HSPA12A: variants seen among roughly 807,000 people sequenced by gnomAD.
HSPA12A encodes heat shock protein family A (Hsp70) member 12A.
Under a neutral mutation model 69.2 loss-of-function variants are expected in HSPA12A, and 28 were observed. The observed-to-expected ratio is 0.40, with a 90% CI of 0.30 to 0.55. The LOEUF (loss-of-function observed/expected upper bound fraction) is 0.55. HSPA12A is among the 20% of genes least tolerant of loss of function. The probability of loss-of-function intolerance (pLI) is 0.38; values close to 1 mark genes in which losing one functional copy is unlikely to be tolerated. For synonymous variants in HSPA12A, 345 were observed against 370.5 expected (o/e 0.93, Z 0.79); for missense variants, 686 against 900.7 (o/e 0.76, Z 3.05).
rs995338033 is a variant in HSPA12A, at chr10:116,790,460, T to C, written c.91+44475A>G. Among the ~76,000 whole-genome samples the C allele has an allele frequency of 2.0e-5, 3 of 152,020 alleles. 1 individual carries two copies. The highest frequency in any genetic ancestry group is 1.3e-4 in the Admixed American group (2 of 15,262). ...CCTCTTCCTGCCCTCAGCCCACTCA[T>C]GCTGCACACTGGCCACCTTGCTGTT... is the stretch of plus-strand genomic sequence containing the variant. On this transcript the variant is annotated intron_variant, in intron 2 of 12. Coordinates refer to the HSPA12A transcript ENST00000635765.
chr10:116,830,165 C>A (rs1564833946), intron 2 of HSPA12A: 1 of 152,196 alleles, frequency 6.6e-6, no homozygotes, highest in Non-Finnish European at 1.5e-5. Context: ...CTCTAATGGG[C>A]TTTCTGACTT....
chr10:116,753,254 G>A (rs1044977890), intron 2 of HSPA12A, among the ~76,000 whole-genome samples: 5 of 152,008 alleles, frequency 3.3e-5, no homozygotes, highest in African/African-American at 1.2e-4. Flanking sequence ...AGGCCTGCGG[G>A]CTCAGACAGG....
chr10:116,811,579 T>TAAAAAAAAAAAAAAAAAAAAAAAAAA (rs60912684), intron 2 of HSPA12A, among the ~76,000 whole-genome samples: 1 of 105,926 alleles, frequency 9.4e-6, no homozygotes, highest in African/African-American at 3.7e-5. Context: ...TTGCTTTTGT[T>TAAAAAAAAAAAAAAAAAAAAAAAAAA]AAAAAAAAAA....
intron 2 of HSPA12A, among the ~76,000 whole-genome samples, chr10:116,757,590 G>T (rs577999658): frequency 1.3e-5 from 2 of 152,332 alleles, no homozygotes; most frequent in East Asian, 3.9e-4. Context: ...TGTCTTTCAG[G>T]CTGAAACCAG....
chr10:116,845,903 G>A (rs1436939586), intron 1 of HSPA12A, among the ~76,000 whole-genome samples: 1 of 152,124 alleles, frequency 6.6e-6, no homozygotes, highest in Non-Finnish European at 1.5e-5. Context: ...ACCTGGATCT[G>A]TCAATACCAA....
intron 1 of HSPA12A, among the ~76,000 whole-genome samples, chr10:116,739,766 A>G (rs1851423261): frequency 6.6e-6 from 1 of 152,178 alleles, no homozygotes; most frequent in Non-Finnish European, 1.5e-5. Context: ...CATCTTATTA[A>G]GAAAATTTGC....
intron 4 of HSPA12A, 148 bp downstream of exon 4, chr10:116,700,795 A>C (rs1850056525): frequency 2.8e-6 from 2 of 714,976 alleles, no homozygotes; most frequent in Non-Finnish European, 4.8e-6. Flanking sequence ...GGTTGTGTCT[A>C]AAATCAAGGT....
At chr10:116,749,845 T>G (rs1399170554) in intron 2 of HSPA12A, 1 of 153,128 alleles carries the variant, frequency 6.5e-6, no homozygotes, top group African/African-American at 2.4e-5. Context: ...ATCTTGTGCT[T>G]TATTTAAAAG....
At chr10:116,772,582 T>C (rs1252481634) in intron 2 of HSPA12A, among the ~76,000 whole-genome samples, 2 of 152,222 alleles carry the variant, frequency 1.3e-5, no homozygotes, top group Non-Finnish European at 2.9e-5. Flanking sequence ...CCCGAAGCTG[T>C]CTGGCTCCAA....
intron 2 of HSPA12A, among the ~76,000 whole-genome samples, chr10:116,776,028 TC>T (rs1844328854): frequency 6.6e-6 from 1 of 152,194 alleles, no homozygotes; most frequent in African/African-American, 2.4e-5. Context: ...CTGCGTCCCC[TC>T]TGGCCTCCAG....
chr10:116,833,591 C>T (rs1303961835), intron 2 of HSPA12A, among the ~76,000 whole-genome samples: 4 of 152,070 alleles, frequency 2.6e-5, no homozygotes, highest in Admixed American at 2.0e-4. Flanking sequence ...ATTTTTCTCC[C>T]GAAAAACCAA....
intron 1 of HSPA12A, among the ~76,000 whole-genome samples, chr10:116,836,973 C>T (rs1313637604): frequency 1.3e-5 from 2 of 152,106 alleles, no homozygotes; most frequent in Non-Finnish European, 2.9e-5. Flanking sequence ...TATACACTAT[C>T]TTTATCTAGG....
At chr10:116,778,946 C>T (rs1844402351) in intron 2 of HSPA12A, among the ~76,000 whole-genome samples, 1 of 152,108 alleles carries the variant, frequency 6.6e-6, no homozygotes, top group Non-Finnish European at 1.5e-5. Context: ...ACAACAACAA[C>T]AACAAACCCA....
chr10:116,828,919 C>T (rs1225193798), intron 2 of HSPA12A: 1 of 152,244 alleles, frequency 6.6e-6, no homozygotes, highest in African/African-American at 2.4e-5. Flanking sequence ...CGATTTGTAT[C>T]ACTTTGGTGC....
chr10:116,715,498 C>T lies in HSPA12A; in HGVS notation c.41-8213G>A, dbSNP rs191040998. On this transcript the variant is annotated intron_variant, in intron 1 of 11. Transcript: ENST00000369209. Reference sequence around the variant, plus strand: ...CTCTAGGGATACATTCTCAAATGTACAGACAAAACAATAGCATTTCTGGGA... The same window carrying T: ...CTCTAGGGATACATTCTCAAATGTATAGACAAAACAATAGCATTTCTGGGA... Among the ~76,000 whole-genome samples the T allele has an allele frequency of 1.8e-3, 272 of 152,234 alleles. 1 individual carries two copies. Among genetic ancestry groups the T allele is most frequent in the Non-Finnish European group, 4.7e-4 (32 of 68,000 alleles).
intron 1 of HSPA12A, among the ~76,000 whole-genome samples, chr10:116,719,723 A>G (rs1850716535): frequency 6.6e-6 from 1 of 152,266 alleles, no homozygotes; most frequent in African/African-American, 2.4e-5. Context: ...ATTATTACTT[A>G]GATGGCATCT....
intron 2 of HSPA12A, among the ~76,000 whole-genome samples, chr10:116,804,085 G>C (rs1401806477): frequency 6.6e-6 from 1 of 152,066 alleles, no homozygotes; most frequent in African/African-American, 2.4e-5. Context: ...CCCTACGGTC[G>C]ACAGGCACAT....
chr10:116,812,048 G>A (rs1453766439), intron 2 of HSPA12A, among the ~76,000 whole-genome samples: 3 of 152,310 alleles, frequency 2.0e-5, no homozygotes, highest in African/African-American at 7.2e-5. Flanking sequence ...GAGGCTGAGT[G>A]GGAGACGGAG....
At chr10:116,846,040 G>A (rs1845874192) in intron 1 of HSPA12A, among the ~76,000 whole-genome samples, 1 of 152,164 alleles carries the variant, frequency 6.6e-6, no homozygotes, top group Non-Finnish European at 1.5e-5. Context: ...TAAATTCCAT[G>A]AAGAGAAGGA....
Sources: gnomAD v4.1 joint callset for allele counts (sites outside exome capture counted in the v4.1 genomes callset) on GRCh38, gnomAD v4.1.1 for gene constraint, MANE v1.5 for transcripts, NCBI Gene and HGNC (gene_info 2026-07-23, HGNC 2026-07-21) for gene names.